The following PCDHA10 variants were observed in gnomAD, a reference collection of about 807,000 sequenced individuals.
PCDHA10 encodes the protein protocadherin alpha 10.
PCDHA10 carries 45 observed loss-of-function variants against 61.2 expected under a neutral mutation model. The ratio of observed to expected loss-of-function variants is 0.74; its 90% CI spans 0.58 to 0.94. PCDHA10 has a LOEUF of 0.94. PCDHA10 is among the 40% of genes least tolerant of loss of function. PCDHA10 has a pLI of 0.00. For missense variants in PCDHA10, 1,278 were observed against 1,236.2 expected (o/e 1.03, Z -0.51); for synonymous variants, 602 against 548.8 (o/e 1.10, Z -1.35).
chr5:140,926,569 A>T (rs1245214494), intron 1 of PCDHA10: 1 of 261,750 alleles, frequency 3.8e-6, no homozygotes, highest in Admixed American at 5.3e-5. Context: ...CTGCTACTGG[A>T]GACAGCACCT....
intron 1 of PCDHA10, among the ~76,000 whole-genome samples, chr5:140,898,226 G>T (rs2066602879): frequency 6.6e-6 from 1 of 152,262 alleles, no homozygotes; most frequent in African/African-American, 2.4e-5. Flanking sequence ...GGCTTTTGTT[G>T]CCATTGCTTT....
intron 3 of PCDHA10, among the ~76,000 whole-genome samples, chr5:141,006,736 G>C (rs939000554): frequency 2.0e-5 from 3 of 152,122 alleles, no homozygotes; most frequent in African/African-American, 7.2e-5. Context: ...AGGTCTTGAT[G>C]ATGTATTATA....
chr5:140,993,281 C>T (rs2097548459), intron 3 of PCDHA10, among the ~76,000 whole-genome samples: 1 of 152,102 alleles, frequency 6.6e-6, no homozygotes. Flanking sequence ...TCTTTTCTTG[C>T]CCAGGGTCAC....
chr5:140,975,578 C>T (rs2096673039), intron 1 of PCDHA10, among the ~76,000 whole-genome samples: 2 of 152,232 alleles, frequency 1.3e-5, no homozygotes, highest in Non-Finnish European at 2.9e-5. Flanking sequence ...TATGCAGTCT[C>T]ATGTCCCAGA....
At chr5:140,917,070 G>A (rs528403297) in intron 1 of PCDHA10, among the ~76,000 whole-genome samples, 14 of 152,102 alleles carry the variant, frequency 9.2e-5, no homozygotes, top group Non-Finnish European at 1.9e-4. Context: ...ACAGCACCGA[G>A]TTTAATGTAA....
In PCDHA10 at chr5:140,982,474, G is replaced by C. The variant is rs2096985354; in HGVS notation, c.2448-1G>C. On this transcript the variant is annotated splice_acceptor_variant, in intron 2 of 3. Coordinates refer to ENST00000307360, the MANE Select transcript of PCDHA10 (RefSeq NM_018901.4). LOFTEE classifies it high-confidence loss of function. ...TTATCTGGGTCTGTGTGTTTATTCA[G>C]CTCTGTGCACCTAGAGGAGGCTGGC... 3 of 1,614,164 alleles carry C rather than the reference G, an allele frequency of 1.9e-6. No individual in the cohort carries two copies. The highest frequency in any genetic ancestry group is 2.5e-6 in the Non-Finnish European group (3 of 1,180,024).
chr5:140,871,290 C>A (rs1554165387), intron 1 of PCDHA10: 2 of 1,613,900 alleles, frequency 1.2e-6, no homozygotes, highest in Non-Finnish European at 1.7e-6. Context: ...CCACTGAGGG[C>A]GCGTGCGCGC....
chr5:140,938,875 C>T (rs2092238013), intron 1 of PCDHA10, among the ~76,000 whole-genome samples: 1 of 151,912 alleles, frequency 6.6e-6, no homozygotes. Flanking sequence ...AGTTAAGAAG[C>T]AACACACACA....
At chr5:140,953,092 G>A (rs141861684) in intron 1 of PCDHA10, among the ~76,000 whole-genome samples, 2 of 152,252 alleles carry the variant, frequency 1.3e-5, no homozygotes, top group South Asian at 2.1e-4. Context: ...ATTACAATTT[G>A]ACATGAGATT....
chr5:140,926,917 TTA>T, intron 1 of PCDHA10: 3 of 1,565,668 alleles, frequency 1.9e-6, no homozygotes, highest in South Asian at 1.2e-5. Context: ...GGTGGCAGTT[TTA>T]TGTTTGTGGG....
chr5:140,940,841 C>T (rs246072), intron 1 of PCDHA10, among the ~76,000 whole-genome samples: 86,358 of 151,986 alleles, frequency 0.57, 25,200 homozygotes, highest in African/African-American at 0.71. Context: ...CCTTTCTTCA[C>T]GATAGATTTT....
chr5:140,948,150 T>C (rs1477987526), intron 1 of PCDHA10, among the ~76,000 whole-genome samples: 2 of 151,642 alleles, frequency 1.3e-5, no homozygotes, highest in Non-Finnish European at 3.0e-5. Flanking sequence ...TTTTTGAATG[T>C]TGGAAAAAAC....
At chr5:140,909,870 C>T (rs2074741279) in intron 1 of PCDHA10, among the ~76,000 whole-genome samples, 1 of 152,206 alleles carries the variant, frequency 6.6e-6, no homozygotes. Context: ...GAGTCAACGT[C>T]AGCTTAGAGA....
chr5:140,875,741 T>A lies in PCDHA10; in HGVS notation c.2388+17305T>A, dbSNP rs781967971. On this transcript the variant is annotated intron_variant, in intron 1 of 3. Transcript: ENST00000307360. ...GGCATTTTGTTTGTGAATTCTCGGA[T>A]CGACCGCGAGAAGCTGTGCGGGCGG... 1.7e-5 allele frequency: 28 copies of A among 1,614,216 alleles called. No individual in the cohort carries two copies. Among genetic ancestry groups the A allele is most frequent in the Non-Finnish European group, 2.2e-5 (26 of 1,180,032 alleles).
chr5:140,872,950 G>A lies in PCDHA10; in HGVS notation c.2388+14514G>A, dbSNP rs185090422. ...AATGTTTTTGAAATTTTCTTTCCAC[G>A]TAGTATCATCCCATCTGAAGATTTG... On this transcript the variant is annotated intron_variant, in intron 1 of 3. Transcript: ENST00000307360. Among the ~76,000 whole-genome samples, 445 of 152,104 alleles carry A rather than the reference G, an allele frequency of 2.9e-3. 2 individuals carry two copies. Among genetic ancestry groups the A allele is most frequent in the Middle Eastern group, 0.014 (4 of 294 alleles).
intron 1 of PCDHA10, among the ~76,000 whole-genome samples, chr5:140,872,820 T>C (rs1233972983): frequency 6.6e-6 from 1 of 152,216 alleles, no homozygotes; most frequent in African/African-American, 2.4e-5. Flanking sequence ...TTCAGATTCA[T>C]CTAGCAGAGA....
intron 1 of PCDHA10, among the ~76,000 whole-genome samples, chr5:140,880,422 C>T (rs782802267): frequency 6.6e-6 from 1 of 152,252 alleles, no homozygotes; most frequent in Non-Finnish European, 1.5e-5. Flanking sequence ...AAAGCGGGAA[C>T]AGTTTTTCCT....
chr5:141,001,316 C>T (rs2098007805), intron 3 of PCDHA10, among the ~76,000 whole-genome samples: 2 of 152,096 alleles, frequency 1.3e-5, no homozygotes, highest in African/African-American at 4.8e-5. Flanking sequence ...AAATAATTTG[C>T]CAAACATCAC....
chr5:140,979,197 T>C (rs954222917), intron 2 of PCDHA10, among the ~76,000 whole-genome samples, 190 bp downstream of exon 2: 2 of 152,214 alleles, frequency 1.3e-5, no homozygotes, highest in Non-Finnish European at 2.9e-5. Flanking sequence ...CAGATGCTTA[T>C]CAAGTGCTGG....
Sources: allele counts gnomAD v4.1 joint callset (sites outside exome capture counted in the v4.1 genomes callset), GRCh38; gene constraint gnomAD v4.1.1; transcripts MANE v1.5; gene names NCBI Gene and HGNC (gene_info 2026-07-23, HGNC 2026-07-21).